DCN: variants seen among roughly 807,000 people sequenced by gnomAD.
DCN encodes the protein bone proteoglycan II.
In DCN, 17 loss-of-function variants were observed where a neutral mutation model predicts 36.5. The observed-to-expected ratio is 0.47, with a 90% CI of 0.32 to 0.70. DCN has a LOEUF of 0.70. Among genes scored for constraint, DCN ranks in the 30% least tolerant of loss-of-function variants. DCN has a pLI of 0.04. For synonymous variants in DCN, 163 were observed against 161.4 expected (o/e 1.01, Z -0.07); for missense variants, 389 against 430.1 (o/e 0.90, Z 0.84).
chr12:91,175,705 T>C (rs936110626), intron 2 of DCN: 11 of 152,102 alleles, frequency 7.2e-5, no homozygotes, highest in African/African-American at 2.7e-4. Flanking sequence ...GAAGACAGTG[T>C]TAGTCTTTGA....
intron 5 of DCN, 89 bp downstream of exon 5, chr12:91,156,986 G>A: frequency 1.1e-6 from 1 of 911,150 alleles, no homozygotes; most frequent in Admixed American, 2.0e-5. Context: ...CCTCTTAGGT[G>A]ACAATTCCAG....
At chr12:91,182,369 C>A (rs1868437565) in intron 1 of DCN, among the ~76,000 whole-genome samples, 1 of 152,012 alleles carries the variant, frequency 6.6e-6, no homozygotes, top group Non-Finnish European at 1.5e-5. Flanking sequence ...AATACAAACA[C>A]AAAAACATTA....
intron 2 of DCN, chr12:91,176,641 A>G (rs1883305679): frequency 6.6e-6 from 1 of 152,156 alleles, no homozygotes; most frequent in African/African-American, 2.4e-5. Context: ...AAGGCAAACT[A>G]TATTTACGAA....
chr12:91,177,698 A>G, intron 2 of DCN: 1 of 697,896 alleles, frequency 1.4e-6, no homozygotes, highest in East Asian at 2.7e-5. Flanking sequence ...TATATTGAAT[A>G]TTTACACCAT....
intron 2 of DCN, among the ~76,000 whole-genome samples, chr12:91,173,821 A>G (rs977599044): frequency 7.2e-5 from 11 of 152,220 alleles, no homozygotes; most frequent in African/African-American, 2.4e-4. Flanking sequence ...CTGGAAAACC[A>G]GTTTCTCCAG....
intron 2 of DCN, among the ~76,000 whole-genome samples, chr12:91,171,040 G>C (rs926805575): frequency 6.6e-6 from 1 of 151,916 alleles, no homozygotes; most frequent in Admixed American, 6.6e-5. Context: ...TTCATAAAAT[G>C]ATATAAAAAG....
intron 5 of DCN, among the ~76,000 whole-genome samples, chr12:91,153,959 T>C (rs1270978901): frequency 6.6e-6 from 1 of 152,132 alleles, no homozygotes; most frequent in Non-Finnish European, 1.5e-5. Flanking sequence ...CCTCCTAGCA[T>C]CTGAGGCTGT....
At chr12:91,180,790 A>G (rs1868366969) in intron 1 of DCN, 1 of 152,158 alleles carries the variant, frequency 6.6e-6, no homozygotes, top group Non-Finnish European at 1.5e-5. Context: ...TGCAATGTTT[A>G]TGGTTTACCA....
intron 7 of DCN, among the ~76,000 whole-genome samples, chr12:91,146,735 G>A (rs893367398): frequency 7.9e-5 from 12 of 152,100 alleles, no homozygotes; most frequent in African/African-American, 2.9e-4. Flanking sequence ...CCCTTCTTTA[G>A]TCTTGTCTTC....
intron 2 of DCN, chr12:91,177,500 G>T (rs1883362207): frequency 1.5e-6 from 1 of 683,676 alleles, no homozygotes; most frequent in Non-Finnish European, 2.6e-6. Context: ...CCTTCAAAAG[G>T]AGGAATGTGA....
intron 2 of DCN, chr12:91,172,652 T>G: frequency 1.6e-6 from 1 of 618,842 alleles, no homozygotes; most frequent in Non-Finnish European, 2.9e-6. Context: ...AGAAATCACT[T>G]TTGTTTCTCA....
Position 91,151,941 on chromosome 12 carries a change from T to C in DCN, c.747-149A>G, listed in dbSNP as rs531580538. 9 of 822,822 alleles carry C rather than the reference T, an allele frequency of 1.1e-5. No homozygotes were observed. The East Asian group carries it at 2.5e-4, about 22-fold the overall frequency. 51.0% of individuals were successfully genotyped at this position (822,822 alleles called of 1,614,324 possible). A position where few individuals can be genotyped will look rare whatever the true frequency, so the allele number is the denominator to read the frequency against. ...CTTGGAGTGCTTTCTCCAACCTCTC[T>C]GAGCCTGGACAAAGTCCATTTATTG... On this transcript the variant is annotated intron_variant, in intron 6 of 7. Coordinates refer to ENST00000052754, the MANE Select transcript of DCN (RefSeq NM_001920.5).
intron 3 of DCN, among the ~76,000 whole-genome samples, chr12:91,160,622 T>G (rs1194506265): frequency 6.6e-6 from 1 of 152,112 alleles, no homozygotes; most frequent in South Asian, 2.1e-4. Flanking sequence ...AGATATCAAG[T>G]GTGACTACCT....
intron 4 of DCN, 42 bp from the exon 5 acceptor site, chr12:91,157,230 G>A: frequency 7.5e-7 from 1 of 1,337,430 alleles, no homozygotes; most frequent in Non-Finnish European, 1.1e-6. Flanking sequence ...GGAAATTTTA[G>A]GATATTACTA....
At chr12:91,168,835 A>G (rs1033410780) in intron 2 of DCN, among the ~76,000 whole-genome samples, 12 of 152,168 alleles carry the variant, frequency 7.9e-5, no homozygotes, top group Admixed American at 7.2e-4. Context: ...TGTCTTTGCC[A>G]TATTTGTGAA....
intron 2 of DCN, chr12:91,175,548 A>C (rs1364142514): frequency 6.6e-6 from 1 of 152,096 alleles, no homozygotes; most frequent in Non-Finnish European, 1.5e-5. Flanking sequence ...TAGTGGTAAA[A>C]AGTAGTCAAA....
intron 2 of DCN, among the ~76,000 whole-genome samples, chr12:91,173,922 G>A (rs939274447): frequency 1.3e-5 from 2 of 152,144 alleles, no homozygotes; most frequent in African/African-American, 4.8e-5. Context: ...TGAAGAAGAA[G>A]CAACTACATA....
chr12:91,164,518 C>A (rs1882408244), intron 3 of DCN, 87 bp downstream of exon 3: 2 of 633,572 alleles, frequency 3.2e-6, no homozygotes, highest in Non-Finnish European at 5.9e-6. Context: ...TTTGTTGGTA[C>A]ATAGTACTCT....
At chr12:91,149,212 A>G (rs1341681871) in intron 7 of DCN, among the ~76,000 whole-genome samples, 1 of 152,222 alleles carries the variant, frequency 6.6e-6, no homozygotes, top group Non-Finnish European at 1.5e-5. Flanking sequence ...TTAGGAAGCT[A>G]CATTTCACAA....
Sources: allele counts gnomAD v4.1 joint callset (sites outside exome capture counted in the v4.1 genomes callset), GRCh38; gene constraint gnomAD v4.1.1; transcripts MANE v1.5; gene names NCBI Gene and HGNC (gene_info 2026-07-23, HGNC 2026-07-21).